Variants in PTPRN2 observed in about 807,000 individuals in gnomAD.
PTPRN2 encodes protein tyrosine phosphatase receptor type N2.
PTPRN2 carries 74 observed loss-of-function variants against 118.8 expected under a neutral mutation model. That is an observed-to-expected ratio of 0.62 (90% CI 0.52 to 0.76). The LOEUF (loss-of-function observed/expected upper bound fraction) is 0.76. Among genes scored for constraint, PTPRN2 ranks in the 30% least tolerant of loss-of-function variants. PTPRN2 has a pLI of 0.00. For synonymous variants in PTPRN2, 641 were observed against 608.0 expected (o/e 1.05, Z -0.80); for missense variants, 1,481 against 1,394.4 (o/e 1.06, Z -0.99).
intron 1 of PTPRN2, among the ~76,000 whole-genome samples, chr7:158,549,547 C>A (rs1826512047): frequency 6.6e-6 from 1 of 152,258 alleles, no homozygotes; most frequent in Admixed American, 6.5e-5. Context: ...TTTGTCTTCT[C>A]CTTTGCAAAA....
At chr7:157,546,843 C>G (rs761807427) in intron 22 of PTPRN2, among the ~76,000 whole-genome samples, 1 of 152,256 alleles carries the variant, frequency 6.6e-6, no homozygotes, top group Non-Finnish European at 1.5e-5. Context: ...CACCGTTGTG[C>G]ACCTCAGCCA....
chr7:158,169,358 T>A (rs191245215), intron 5 of PTPRN2, among the ~76,000 whole-genome samples: 9 of 152,084 alleles, frequency 5.9e-5, no homozygotes, highest in Non-Finnish European at 1.3e-4. Flanking sequence ...TTCTTATGTC[T>A]CTGCCTCCCA....
intron 2 of PTPRN2, among the ~76,000 whole-genome samples, chr7:158,328,257 C>T (rs146233631): frequency 6.6e-6 from 1 of 152,350 alleles, no homozygotes; most frequent in Non-Finnish European, 1.5e-5. Flanking sequence ...CCCAAGGAAG[C>T]AGGCACTGGC....
At chr7:157,816,353 G>C (rs79735590) in intron 12 of PTPRN2, among the ~76,000 whole-genome samples, 2,336 of 152,276 alleles carry the variant, frequency 0.015, 65 homozygotes, top group African/African-American at 0.054. Context: ...CCCTAAACTG[G>C]CTGTGGAGAC....
At chr7:157,778,669 G>A (rs986661980) in intron 12 of PTPRN2, among the ~76,000 whole-genome samples, 8 of 150,834 alleles carry the variant, frequency 5.3e-5, no homozygotes, top group South Asian at 2.1e-4. Context: ...GGATGCCCAC[G>A]TAAACATGTC....
chr7:157,560,537 C>T lies in PTPRN2; in HGVS notation c.2902+8365G>A, dbSNP rs763588940. Reference sequence around the variant, plus strand: ...CGGGACAGGGCACTGCAGACCGGCCCGGGAACCTGGGGACACCTCACGCCC... The same window carrying T: ...CGGGACAGGGCACTGCAGACCGGCCTGGGAACCTGGGGACACCTCACGCCC... On this transcript the variant is annotated intron_variant, in intron 21 of 22. Transcript: ENST00000389418. The surrounding 1 kb of genome is among the most constrained non-coding windows in gnomAD (Gnocchi z 6.7). Among the ~76,000 whole-genome samples the T allele has an allele frequency of 5.9e-5, 9 of 152,192 alleles. No homozygotes were observed. Among genetic ancestry groups the T allele is most frequent in the Admixed American group, 1.3e-4 (2 of 15,290 alleles).
intron 3 of PTPRN2, among the ~76,000 whole-genome samples, chr7:158,256,087 G>C (rs1009359418): frequency 6.6e-6 from 1 of 152,336 alleles, no homozygotes; most frequent in African/African-American, 2.4e-5. Flanking sequence ...GTCTCATCCA[G>C]GGATGTCCCG....
At chr7:158,111,403 C>T (rs1166199993) in intron 9 of PTPRN2, among the ~76,000 whole-genome samples, 2 of 152,182 alleles carry the variant, frequency 1.3e-5, no homozygotes, top group South Asian at 2.1e-4. Flanking sequence ...GGGGCACTCC[C>T]GGAAGGCACT....
At chr7:158,068,024 A>G (rs989391369) in intron 11 of PTPRN2, among the ~76,000 whole-genome samples, 2 of 152,014 alleles carry the variant, frequency 1.3e-5, no homozygotes, top group Admixed American at 1.3e-4. Flanking sequence ...AGATGGCAGG[A>G]CCGGGTATGG....
intron 2 of PTPRN2, among the ~76,000 whole-genome samples, chr7:158,387,769 G>A (rs567162223): frequency 7.3e-4 from 111 of 152,278 alleles, no homozygotes; most frequent in African/African-American, 2.4e-3. Flanking sequence ...TGCTGTAGAT[G>A]GCGGCAACAT....
rs1160996819 is a variant in PTPRN2 at position 158,372,428 on chromosome 7, C to G, written c.164-55496G>C. Among the ~76,000 whole-genome samples the G allele has an allele frequency of 4.1e-5, 6 of 145,854 alleles. 1 individual carries two copies. The highest frequency in any genetic ancestry group is 9.1e-5 in the Non-Finnish European group (6 of 65,880). ...CAGAGCTGGTCCCCCCAACACTGGT[C>G]CCCGAAGCTGGTCCCCCCAATGCTG... On this transcript the variant is annotated intron_variant, in intron 2 of 22. Coordinates refer to ENST00000389418, the MANE Select transcript of PTPRN2 (RefSeq NM_002847.5).
Position 157,540,804 on chromosome 7 carries a change from G to T in PTPRN2, c.2977-19C>A. On this transcript the variant is annotated intron_variant, in intron 22 of 22. Coordinates refer to ENST00000389418, the MANE Select transcript of PTPRN2 (RefSeq NM_002847.5). ...ACTGCTCCTGCAGGGCGAGAAACGA[G>T]AGAAGTGCCAATGAGAGCGGCGTCC... 6.5e-7 allele frequency: 1 copy of T among 1,548,834 alleles called. No homozygotes were observed. Among genetic ancestry groups the T allele is most frequent in the African/African-American group, 1.4e-5 (1 of 73,224 alleles).
intron 12 of PTPRN2, among the ~76,000 whole-genome samples, chr7:157,840,175 G>A (rs1050327258): frequency 4.7e-5 from 7 of 150,466 alleles, no homozygotes; most frequent in Non-Finnish European, 1.0e-4. Context: ...CTGTGTGACT[G>A]TGTGACCGTG....
At chr7:157,907,174 C>G (rs770013123) in intron 11 of PTPRN2, among the ~76,000 whole-genome samples, 1 of 152,224 alleles carries the variant, frequency 6.6e-6, no homozygotes, top group East Asian at 1.9e-4. Flanking sequence ...TGGGGTACCC[C>G]GTGACCGAGC....
intron 11 of PTPRN2, among the ~76,000 whole-genome samples, chr7:157,932,967 T>G (rs1799459106): frequency 7.7e-6 from 1 of 129,814 alleles, no homozygotes; most frequent in Non-Finnish European, 1.7e-5. Context: ...TCATTGACAG[T>G]TTTAGAGGAG....
intron 2 of PTPRN2, among the ~76,000 whole-genome samples, chr7:158,456,280 G>A (rs1232815890): frequency 6.9e-6 from 1 of 144,544 alleles, no homozygotes; most frequent in Non-Finnish European, 1.5e-5. Flanking sequence ...GCCCCCCATT[G>A]CTCCACAGAG....
rs77060539 is a variant in PTPRN2 at position 158,340,365 on chromosome 7, G to C, written c.164-23433C>G. Among the ~76,000 whole-genome samples, 12 of 84,986 alleles carry C rather than the reference G, an allele frequency of 1.4e-4. 1 individual carries two copies. In the East Asian group the frequency reaches 1.9e-3, roughly 14 times the overall value. 55.8% of individuals were successfully genotyped at this position (84,986 alleles called of 152,430 possible). A position where few individuals can be genotyped will look rare whatever the true frequency, so the allele number is the denominator to read the frequency against. On this transcript the variant is annotated intron_variant, in intron 2 of 22. Transcript: ENST00000389418. ...CACCATAAGAGCTGAGGCCCACAGA[G>C]GTCACTCACACCCATACTCTCACCA...
rs1037446468 is a variant in PTPRN2, at chr7:157,977,585, A to G, written c.1724-78848T>C. Reference sequence around the variant, plus strand: ...AAGGCCCCAGGTGGGATGACGTGAGAAGGCCCCAGGTGGGATGACGTGAGT... The same window carrying G: ...AAGGCCCCAGGTGGGATGACGTGAGGAGGCCCCAGGTGGGATGACGTGAGT... On this transcript the variant is annotated intron_variant, in intron 11 of 22. Coordinates refer to ENST00000389418, the MANE Select transcript of PTPRN2 (RefSeq NM_002847.5). The surrounding 1 kb of genome is among the most constrained non-coding windows in gnomAD (Gnocchi z 4.6). 6.7e-6 allele frequency among the ~76,000 whole-genome samples: 1 copy of G among 149,644 alleles called. No homozygotes were observed. Among genetic ancestry groups the G allele is most frequent in the East Asian group, 2.0e-4 (1 of 5,080 alleles).
rs898817627 is a variant in PTPRN2, at chr7:157,591,290, G to A, written c.2496+3948C>T. Among the ~76,000 whole-genome samples, 3 of 152,188 alleles carry A rather than the reference G, an allele frequency of 2.0e-5. No individual in the cohort carries two copies. The highest frequency in any genetic ancestry group is 7.2e-5 in the African/African-American group (3 of 41,456). ...CTGGAATTTGCTGATTACCGACAGA[G>A]AAGAAACACCTGTGGACCTGCCCCA... On this transcript the variant is annotated intron_variant, in intron 17 of 22. Coordinates refer to ENST00000389418, the MANE Select transcript of PTPRN2 (RefSeq NM_002847.5). The surrounding 1 kb of genome is among the most constrained non-coding windows in gnomAD (Gnocchi z 4.4).
Sources: allele counts gnomAD v4.1 joint callset (sites outside exome capture counted in the v4.1 genomes callset), GRCh38; gene constraint gnomAD v4.1.1; non-coding constraint Gnocchi (gnomAD v3.1); transcripts MANE v1.5; gene names NCBI Gene and HGNC (gene_info 2026-07-23, HGNC 2026-07-21).